PIR: variants seen among roughly 807,000 people sequenced by gnomAD.
PIR encodes pirin, also known as pirin (iron-binding nuclear protein).
PIR carries 22 observed loss-of-function variants against 24.2 expected under a neutral mutation model. That is an observed-to-expected ratio of 0.91 (90% CI 0.65 to 1.30). PIR has a LOEUF of 1.30. Among genes scored for constraint, PIR ranks in the 50% most tolerant of loss-of-function variants. The probability of loss-of-function intolerance (pLI) is 0.00; values close to 1 mark genes in which losing one functional copy is unlikely to be tolerated. For missense variants in PIR, 220 were observed against 220.3 expected, an observed-to-expected ratio of 1.00 and a Z score of 0.01; for synonymous variants, 80 against 79.6, an observed-to-expected ratio of 1.00 and a Z score of -0.03.
At chrX:15,387,349 G>A (rs763283701) in intron 9 of PIR, among the ~76,000 whole-genome samples, 1 of 108,706 alleles carries the variant, frequency 9.2e-6, no homozygotes, top group Non-Finnish European at 1.9e-5. Context: ...TGCCAGCCTC[G>A]ACCTCCCAAA....
intron 7 of PIR, among the ~76,000 whole-genome samples, chrX:15,399,630 C>G (rs1385098853): frequency 5.4e-5 from 6 of 112,016 alleles, no homozygotes; most frequent in Non-Finnish European, 1.1e-4. Flanking sequence ...ATTAGCTGGG[C>G]TGATGACTTT....
intron 6 of PIR, among the ~76,000 whole-genome samples, chrX:15,421,713 T>A (rs1925138404): frequency 9.2e-6 from 1 of 108,888 alleles, no homozygotes; most frequent in Admixed American, 9.8e-5. Context: ...CTACCAAACA[T>A]TTAAAGACAA....
At chrX:15,390,917 C>A (rs1289063914) in intron 8 of PIR, among the ~76,000 whole-genome samples, 1 of 111,518 alleles carries the variant, frequency 9.0e-6, no homozygotes, top group Non-Finnish European at 1.9e-5. Flanking sequence ...AGATTTTCAA[C>A]TGGTGCAGTA....
At chrX:15,421,538 C>T (rs1434845257) in intron 6 of PIR, among the ~76,000 whole-genome samples, 8 of 109,676 alleles carry the variant, frequency 7.3e-5, no homozygotes, top group Non-Finnish European at 1.5e-4. Flanking sequence ...ATTGGAAAAC[C>T]CAGAAAAAAT....
intron 2 of PIR, among the ~76,000 whole-genome samples, chrX:15,484,306 C>CTTTTTT (rs1193474348): frequency 1.0e-4 from 7 of 67,486 alleles, no homozygotes; most frequent in East Asian, 5.3e-4. Context: ...TCTCAATTTT[C>CTTTTTT]TTTTTTTTTT....
intron 3 of PIR, among the ~76,000 whole-genome samples, chrX:15,469,795 GCCAGGTACAATCAACCTAAC>G (rs1469446850): frequency 2.7e-5 from 3 of 111,089 alleles, no homozygotes; most frequent in Non-Finnish European, 5.7e-5. Flanking sequence ...TCCTTAAATA[GCCAGGTACAATCAACCTAAC>G]CCATTTCCTC....
At chrX:15,467,032 T>A (rs934740435) in intron 3 of PIR, among the ~76,000 whole-genome samples, 2 of 112,726 alleles carry the variant, frequency 1.8e-5, no homozygotes, top group Non-Finnish European at 3.7e-5. Context: ...TTTTTTAACT[T>A]AGCTACTATG....
chrX:15,392,663 C>T (rs182279187), intron 8 of PIR, among the ~76,000 whole-genome samples: 68 of 111,910 alleles, frequency 6.1e-4, no homozygotes, highest in Middle Eastern at 4.6e-3. Flanking sequence ...GATTTACTCC[C>T]TACAATCTCA....
chrX:15,482,727 G>A (rs1473641335), intron 2 of PIR, among the ~76,000 whole-genome samples: 1 of 111,404 alleles, frequency 9.0e-6, no homozygotes, highest in Non-Finnish European at 1.9e-5. Flanking sequence ...GGCTGTCCTC[G>A]TCTGGTCCTG....
At chrX:15,396,962 G>C (rs183987311) in intron 8 of PIR, among the ~76,000 whole-genome samples, 44 of 111,469 alleles carry the variant, frequency 3.9e-4, no homozygotes, top group East Asian at 1.1e-3. Context: ...GGATGGTCTC[G>C]ATTTCCTGAC....
chrX:15,385,663 G>T (rs781649652), intron 9 of PIR, among the ~76,000 whole-genome samples: 1 of 112,218 alleles, frequency 8.9e-6, no homozygotes, highest in Admixed American at 9.4e-5. Context: ...TTTTCTAGGG[G>T]TTGGCAAATG....
At chrX:15,449,355 T>G (rs1926211548) in intron 5 of PIR, among the ~76,000 whole-genome samples, 1 of 112,076 alleles carries the variant, frequency 8.9e-6, no homozygotes, top group Non-Finnish European at 1.9e-5. Flanking sequence ...CCCCTATCTA[T>G]CCATTAAAAT....
At chrX:15,461,584 C>T (rs1921302466) in intron 3 of PIR, among the ~76,000 whole-genome samples, 1 of 112,007 alleles carries the variant, frequency 8.9e-6, no homozygotes, top group Non-Finnish European at 1.9e-5. Flanking sequence ...AGTTCAAGAC[C>T]AGCCTGGCCA....
At chrX:15,475,875 G>A (rs945405433) in intron 3 of PIR, among the ~76,000 whole-genome samples, 2 of 112,239 alleles carry the variant, frequency 1.8e-5, no homozygotes, top group Non-Finnish European at 3.8e-5. Flanking sequence ...GTGACCACCA[G>A]CTGTGCCTCT....
intron 6 of PIR, chrX:15,407,788 TAAG>T: frequency 5.2e-6 from 2 of 383,877 alleles, no homozygotes; most frequent in Non-Finnish European, 9.1e-6. Flanking sequence ...CCCAAATATT[TAAG>T]AAGCACCCAA....
intron 2 of PIR, among the ~76,000 whole-genome samples, chrX:15,481,683 C>A (rs1178336619): frequency 8.9e-6 from 1 of 112,056 alleles, no homozygotes; most frequent in African/African-American, 3.2e-5. Flanking sequence ...GGAAATTAGA[C>A]ATGCGCTAGG....
rs753831248 is a variant in PIR at position 15,471,409 on chromosome X, TGTTAA to T, written c.189+8315_189+8319del. Among the ~76,000 whole-genome samples, 435 of 112,146 alleles carry T rather than the reference TGTTAA, an allele frequency of 3.9e-3. 2 individuals are homozygous for T. Among genetic ancestry groups the T allele is most frequent in the African/African-American group, 0.014 (423 of 30,877 alleles). On this transcript the variant is annotated intron_variant, in intron 3 of 9. Transcript: ENST00000380420. ...AGATGGTTTTATTTTAACGTGATTG[TGTTAA>T]GTTGACAGTTTCAGGATGTGAAATA... is the stretch of plus-strand genomic sequence containing the variant.
intron 5 of PIR, among the ~76,000 whole-genome samples, chrX:15,454,472 G>C (rs1396357168): frequency 3.4e-5 from 3 of 88,481 alleles, no homozygotes; most frequent in Non-Finnish European, 6.7e-5. Flanking sequence ...CAGGGTACAG[G>C]TAAAAAAAAA....
chrX:15,435,238 G>GAAGA (rs771337383), intron 5 of PIR, among the ~76,000 whole-genome samples: 315 of 101,090 alleles, frequency 3.1e-3, no homozygotes, highest in African/African-American at 8.4e-3. Flanking sequence ...GAAAAGAAAA[G>GAAGA]AAGAAAGAAA....
Sources: gnomAD v4.1 joint callset for allele counts (sites outside exome capture counted in the v4.1 genomes callset) on GRCh38, gnomAD v4.1.1 for gene constraint, MANE v1.5 for transcripts, NCBI Gene and HGNC (gene_info 2026-07-23, HGNC 2026-07-21) for gene names.